PCDHGA6: variants seen among roughly 807,000 people sequenced by gnomAD.
PCDHGA6 encodes the protein protocadherin gamma-A6.
In PCDHGA6, 41 loss-of-function variants were observed where a neutral mutation model predicts 60.6. The observed-to-expected ratio is 0.68, with a 90% confidence interval of 0.53 to 0.88. PCDHGA6 has a LOEUF of 0.88. Among genes scored for constraint, PCDHGA6 ranks in the 40% least tolerant of loss-of-function variants. PCDHGA6 has a pLI of 0.00. For missense variants in PCDHGA6, 1,312 were observed against 1,203.0 expected (o/e 1.09, Z -1.34); for synonymous variants, 594 against 524.4 (o/e 1.13, Z -1.81).
At chr5:141,420,029 G>T (rs1382842280) in intron 1 of PCDHGA6, 2 of 1,614,082 alleles carry the variant, frequency 1.2e-6, no homozygotes, top group Non-Finnish European at 1.7e-6. Flanking sequence ...CCCTACTGCA[G>T]GAGACTGCTT....
rs762238827 is a variant in PCDHGA6 at position 141,487,202 on chromosome 5, C to T, written c.2425-7605C>T. ...CACTCATCCAGTTGTCCCAGATCTT[C>T]GAGAATCTTCAGCTCCAAGGGAAGG... On this transcript the variant is annotated intron_variant, in intron 1 of 3. Coordinates refer to ENST00000517434, the MANE Select transcript of PCDHGA6 (RefSeq NM_018919.3). This position sits in a 1 kb window ranked among gnomAD's most constrained non-coding sequence, Gnocchi z 5.0. 7 of 1,613,660 alleles carry T rather than the reference C, an allele frequency of 4.3e-6. No homozygotes were observed. The highest frequency in any genetic ancestry group is 1.7e-5 in the Admixed American group (1 of 59,992).
In PCDHGA6 at chr5:141,505,496, T is replaced by C; in HGVS notation, c.2572+15T>C. 6.2e-7 allele frequency: 1 copy of C among 1,614,148 alleles called. No homozygotes were observed. The highest frequency in any genetic ancestry group is 8.5e-7 in the Non-Finnish European group (1 of 1,180,004). ...GTCCGCCAGTGGTAAGTGGTGTCAGTGTGTGTATGGAAGAGTGGGAGACCT... is the reference window on the plus strand; with the variant it reads ...GTCCGCCAGTGGTAAGTGGTGTCAGCGTGTGTATGGAAGAGTGGGAGACCT... On this transcript the variant is annotated intron_variant, in intron 3 of 3. Transcript: ENST00000517434.
chr5:141,409,749 C>T (rs1477022032), intron 1 of PCDHGA6: 4 of 1,613,030 alleles, frequency 2.5e-6, no homozygotes, highest in Admixed American at 1.7e-5. Context: ...GTGGTGTTCG[C>T]GCAGCGCGCC....
intron 1 of PCDHGA6, among the ~76,000 whole-genome samples, chr5:141,402,436 A>G (rs1441746239): frequency 2.6e-5 from 4 of 152,178 alleles, no homozygotes; most frequent in African/African-American, 9.6e-5. Flanking sequence ...GCATCATAAA[A>G]AGGAAATTAT....
rs61612330 is a variant in PCDHGA6 at position 141,454,796 on chromosome 5, A to ATTTTTTTTTTTTTTTT, written c.2425-39997_2425-39982dup. Among the ~76,000 whole-genome samples the ATTTTTTTTTTTTTTTT allele has an allele frequency of 1.2e-3, 96 of 77,456 alleles. 8 individuals are homozygous for ATTTTTTTTTTTTTTTT. The highest frequency in any genetic ancestry group is 2.0e-3 in the South Asian group (4 of 1,960). 50.8% of individuals were successfully genotyped at this position (77,456 alleles called of 152,430 possible). A position where few individuals can be genotyped will look rare whatever the true frequency, so the allele number is the denominator to read the frequency against. ...AAGGAAATAATCCTCCATGGTTCTA[A>ATTTTTTTTTTTTTTTT]TTTTTTTTTTTTTTTTTTTTTTTTT... On this transcript the variant is annotated intron_variant, in intron 1 of 3. Coordinates refer to ENST00000517434, the MANE Select transcript of PCDHGA6 (RefSeq NM_018919.3).
rs113212669 is a variant in PCDHGA6 at position 141,465,048 on chromosome 5, A to T, written c.2425-29759A>T. 2.4e-3 allele frequency among the ~76,000 whole-genome samples: 362 copies of T among 151,344 alleles called. 4 individuals are homozygous for T. Among genetic ancestry groups the T allele is most frequent in the African/African-American group, 8.4e-3 (346 of 41,268 alleles). On this transcript the variant is annotated intron_variant, in intron 1 of 3. Transcript: ENST00000517434. ...TGAACCACCACAAATGACCCTATAT[A>T]TTTTTTTGAATTGTCTGTTCATGTC...
intron 1 of PCDHGA6, among the ~76,000 whole-genome samples, chr5:141,380,531 AT>A (rs543704325): frequency 5.7e-4 from 87 of 152,348 alleles, no homozygotes; most frequent in African/African-American, 2.0e-3. Flanking sequence ...AATGATTTCA[AT>A]TTGATACAAT....
At chr5:141,427,327 C>T (rs2097016376) in intron 1 of PCDHGA6, 1 of 457,028 alleles carries the variant, frequency 2.2e-6, no homozygotes, top group African/African-American at 2.0e-5. Flanking sequence ...GTGGTTTTTA[C>T]TTCAGTGTCC....
intron 1 of PCDHGA6, chr5:141,414,081 T>G: frequency 6.2e-7 from 1 of 1,601,774 alleles, no homozygotes; most frequent in Non-Finnish European, 8.5e-7. Context: ...ACAAATATAC[T>G]GGAGAAATAA....
At chr5:141,385,137 G>A in intron 1 of PCDHGA6, 1 of 1,614,232 alleles carries the variant, frequency 6.2e-7, no homozygotes, top group Non-Finnish European at 8.5e-7. Context: ...TGGACGGGGT[G>A]CAGGCTTTCC....
chr5:141,422,575 C>G, intron 1 of PCDHGA6: 1 of 1,613,976 alleles, frequency 6.2e-7, no homozygotes, highest in Non-Finnish European at 8.5e-7. Flanking sequence ...CAACGATAAC[C>G]CTCCCGTTTT....
intron 1 of PCDHGA6, chr5:141,430,896 G>A: frequency 6.2e-7 from 1 of 1,606,012 alleles, no homozygotes; most frequent in Admixed American, 1.7e-5. Context: ...TCTAGGGTGG[G>A]CGACATCTCC....
chr5:141,502,282 C>A (rs187281689), intron 2 of PCDHGA6, among the ~76,000 whole-genome samples: 1 of 151,848 alleles, frequency 6.6e-6, no homozygotes, highest in Non-Finnish European at 1.5e-5. Flanking sequence ...GCATAGATTG[C>A]ATTTGGTTGT....
chr5:141,407,425 CTT>C (rs1307911949), intron 1 of PCDHGA6, among the ~76,000 whole-genome samples: 3 of 151,864 alleles, frequency 2.0e-5, no homozygotes, highest in African/African-American at 4.8e-5. Context: ...AAAAATGTCT[CTT>C]GCCCTTAAAA....
chr5:141,410,598 C>T, intron 1 of PCDHGA6: 2 of 1,608,528 alleles, frequency 1.2e-6, no homozygotes, highest in Non-Finnish European at 1.7e-6. Context: ...GATTTGACTT[C>T]ACATCCTGAG....
chr5:141,409,700 G>GCGGTGT (rs1561722150), intron 1 of PCDHGA6: 2 of 1,613,280 alleles, frequency 1.2e-6, no homozygotes, highest in Admixed American at 3.3e-5. Flanking sequence ...AGAGCCCCTG[G>GCGGTGT]CGGTGTCGTC....
chr5:141,494,434 T>A (rs976526647), intron 1 of PCDHGA6, among the ~76,000 whole-genome samples: 2 of 152,166 alleles, frequency 1.3e-5, no homozygotes, highest in Middle Eastern at 3.2e-3. Flanking sequence ...AAAAGCCTCC[T>A]TTGCCACTTT....
At chr5:141,426,442 G>A (rs1205822455) in intron 1 of PCDHGA6, 9 of 306,752 alleles carry the variant, frequency 2.9e-5, no homozygotes, top group African/African-American at 4.3e-5. Context: ...CCTTGCGGAG[G>A]ACATGCGGCT....
At chr5:141,433,097 G>A (rs777101945) in intron 1 of PCDHGA6, 11 of 1,614,044 alleles carry the variant, frequency 6.8e-6, no homozygotes, top group Admixed American at 3.3e-5. Flanking sequence ...AGACATGCTC[G>A]TCAGCCAGGA....
Sources: gnomAD v4.1 joint callset for allele counts (sites outside exome capture counted in the v4.1 genomes callset) on GRCh38, gnomAD v4.1.1 for gene constraint, Gnocchi (gnomAD v3.1) non-coding constraint, MANE v1.5 for transcripts, NCBI Gene and HGNC (gene_info 2026-07-23, HGNC 2026-07-21) for gene names.